The following KDM3B variants were observed in gnomAD, a reference collection of about 807,000 sequenced individuals.
KDM3B encodes the protein lysine-specific demethylase 3B.
Under a neutral mutation model 170.0 loss-of-function variants are expected in KDM3B, and 10 were observed. That is an observed-to-expected ratio of 0.06 (90% CI 0.04 to 0.10). The LOEUF (loss-of-function observed/expected upper bound fraction) is 0.10, where lower values mean the gene tolerates loss of function less well. Ranked by LOEUF, KDM3B falls within the 10% of genes least tolerant of loss-of-function variation. KDM3B has a pLI of 1.00. For synonymous variants in KDM3B, 831 were observed against 834.8 expected, an observed-to-expected ratio of 1.00 and a Z score of 0.08; for missense variants, 1,394 against 2,195.2, an observed-to-expected ratio of 0.64 and a Z score of 7.29.
chr5:138,361,003 GTTTA>G (rs1359614588), intron 1 of KDM3B, among the ~76,000 whole-genome samples: 1 of 152,046 alleles, frequency 6.6e-6, no homozygotes, highest in Non-Finnish European at 1.5e-5. Context: ...CCAACTTGTA[GTTTA>G]TTTATTTAGT....
At chr5:138,404,445 T>C (rs1375782616) in intron 11 of KDM3B, among the ~76,000 whole-genome samples, 1 of 152,110 alleles carries the variant, frequency 6.6e-6, no homozygotes, top group East Asian at 1.9e-4. Context: ...CTGGCCAACA[T>C]GGTGAAATCC....
At chr5:138,355,018 A>G (rs1028161632) in intron 1 of KDM3B, among the ~76,000 whole-genome samples, 1 of 152,088 alleles carries the variant, frequency 6.6e-6, no homozygotes, top group African/African-American at 2.4e-5. Flanking sequence ...TTTTTTTCTC[A>G]TTAAGAGAGA....
chr5:138,370,040 A>C (rs1447316372), intron 1 of KDM3B, among the ~76,000 whole-genome samples: 1 of 152,188 alleles, frequency 6.6e-6, no homozygotes, highest in African/African-American at 2.4e-5. Context: ...TCTGCACTTA[A>C]ATGTAAGTTT....
intron 23 of KDM3B, among the ~76,000 whole-genome samples, chr5:138,432,664 G>A (rs764344738): frequency 2.6e-4 from 39 of 152,124 alleles, no homozygotes; most frequent in South Asian, 2.1e-3. Context: ...GCGAGACACC[G>A]TCTCAAAGAA....
Position 138,427,260 on chromosome 5 carries a change from C to G in KDM3B, c.4574C>G (p.Ser1525Cys). ...TKRDGRLNLA[S>C]RLPSYFVRPD... ...CGAGATGGCAGGCTCAATCTGGCCTCTAGGCTACCTAGCTACTTTGTAAGG... is the reference window on the plus strand; with the variant it reads ...CGAGATGGCAGGCTCAATCTGGCCTGTAGGCTACCTAGCTACTTTGTAAGG... Residue 1525 changes from serine (S) to cysteine (C), a missense_variant, in exon 19 of 24, where the codon TCT becomes TGT. Ser to Cys is a moderately radical substitution (Grantham distance 112, BLOSUM62 -1). This residue lies in a region of KDM3B where 66 missense variants were observed against 178.8 expected (regional missense o/e 0.37). Coordinates refer to ENST00000314358, the MANE Select transcript of KDM3B (RefSeq NM_016604.4). 1 of 1,614,118 alleles carries G rather than the reference C, an allele frequency of 6.2e-7. No individual in the cohort carries two copies. The highest frequency in any genetic ancestry group is 8.5e-7 in the Non-Finnish European group (1 of 1,179,960).
rs1211444657 is a variant in KDM3B, at chr5:138,386,540, A to G, written c.1299A>G (p.Thr433=). Residue 433 remains threonine (T), a synonymous_variant, in exon 7 of 24, where the codon ACA becomes ACG. Transcript: ENST00000314358. ...VVTTASSTPN[T]VRISDTGLAA... is the part of the protein sequence containing the mutation. Reference sequence around the variant, plus strand: ...CTACCGCCAGCTCCACCCCAAACACAGTGAGGATCTCAGACACTGGCCTTG... The same window carrying G: ...CTACCGCCAGCTCCACCCCAAACACGGTGAGGATCTCAGACACTGGCCTTG... 1.2e-6 allele frequency: 2 copies of G among 1,614,196 alleles called. No individual in the cohort carries two copies. The highest frequency in any genetic ancestry group is 1.6e-4 in the Middle Eastern group (1 of 6,062).
intron 7 of KDM3B, 90 bp from the exon 8 acceptor site, chr5:138,390,923 T>C (rs1163432355): frequency 7.3e-6 from 9 of 1,235,650 alleles, no homozygotes; most frequent in Non-Finnish European, 1.0e-5. Flanking sequence ...CCCCAAGAAA[T>C]GTTGATCTGG....
chr5:138,378,444 G>GA (rs1285250780), intron 4 of KDM3B, among the ~76,000 whole-genome samples: 1 of 151,962 alleles, frequency 6.6e-6, no homozygotes, highest in Non-Finnish European at 1.5e-5. Flanking sequence ...TTTTAATAAT[G>GA]AAAAAAATTA....
chr5:138,386,362 T>C lies in KDM3B; in HGVS notation c.1121T>C (p.Val374Ala), dbSNP rs751059844. The change falls in exon 7 of 24, where the codon GTA becomes GCA. Residue 374 changes from valine (V) to alanine (A), a missense_variant. Physicochemically the swap from Val to Ala is moderately conservative, Grantham distance 64. This residue lies in a region of KDM3B where 205 missense variants were observed against 227.6 expected (regional missense o/e 0.90). Transcript: ENST00000314358. Reference sequence around the variant, plus strand: ...ACTCTGGTGGTGCAGGATGAGCCTGTAGGTGGGGACACACCTGCATCTTTC... The same window carrying C: ...ACTCTGGTGGTGCAGGATGAGCCTGCAGGTGGGGACACACCTGCATCTTTC... The part of the protein sequence containing the change: ...GRTLVVQDEP[V>A]GGDTPASFTP... The C allele has an allele frequency of 1.9e-6, 3 of 1,614,196 alleles. No homozygotes were observed. The highest frequency in any genetic ancestry group is 3.3e-5 in the Admixed American group (2 of 60,028).
At position 138,424,067 on chromosome 5, in the gene KDM3B, T is replaced by C; in HGVS notation, c.3973-8T>C. The C allele has an allele frequency of 2.0e-6, 3 of 1,531,510 alleles. No individual in the cohort carries two copies. The highest frequency in any genetic ancestry group is 1.8e-6 in the Non-Finnish European group (2 of 1,138,006). 94.9% of individuals were successfully genotyped at this position (1,531,510 alleles called of 1,614,324 possible). On this transcript the variant is annotated splice_polypyrimidine_tract_variant and splice_region_variant and intron_variant, in intron 15 of 23. Transcript: ENST00000314358. ...GTCAAGCTTACCTGGTGGATTTGTG[T>C]CTGGCAGGGAGTGAAGAGCAAGGCC...
chr5:138,433,014 G>T (rs1763575271), intron 23 of KDM3B, among the ~76,000 whole-genome samples: 1 of 152,098 alleles, frequency 6.6e-6, no homozygotes, highest in Admixed American at 6.5e-5. Flanking sequence ...AAAGTGCTGG[G>T]ATTACAGGCG....
intron 12 of KDM3B, among the ~76,000 whole-genome samples, chr5:138,415,787 G>C (rs1763088077): frequency 6.6e-6 from 1 of 152,012 alleles, no homozygotes; most frequent in Non-Finnish European, 1.5e-5. Flanking sequence ...TGTGCACGTG[G>C]CCACTGCACA....
intron 1 of KDM3B, among the ~76,000 whole-genome samples, chr5:138,371,571 CAAG>C (rs1761876582): frequency 6.6e-6 from 1 of 151,858 alleles, no homozygotes; most frequent in South Asian, 2.1e-4. Context: ...AAGTATATTT[CAAG>C]AAGTGGAGTA....
intron 11 of KDM3B, among the ~76,000 whole-genome samples, chr5:138,414,205 G>A (rs1329150900): frequency 6.6e-6 from 1 of 151,876 alleles, no homozygotes; most frequent in African/African-American, 2.4e-5. Flanking sequence ...TCGCTCTGTC[G>A]CCCAGGCTGG....
Position 138,424,281 on chromosome 5 carries a change from C to A in KDM3B, c.4179C>A (p.Leu1393=). 1 of 1,614,176 alleles carries A rather than the reference C, an allele frequency of 6.2e-7. No individual in the cohort carries two copies. The highest frequency in any genetic ancestry group is 1.1e-5 in the South Asian group (1 of 91,082). Residue 1393 remains leucine, a synonymous_variant, in exon 16 of 24, where the codon CTC becomes CTA. Transcript: ENST00000314358. ...SWLCDGRLLC[L]HDPSNKNNWK... ...TTTGTGATGGGAGGCTTCTGTGTCT[C>A]CATGACCCCAGCAACAAAAACAATT... is the stretch of plus-strand genomic sequence containing the variant.
At chr5:138,428,287 C>T (rs1330688485) in intron 20 of KDM3B, among the ~76,000 whole-genome samples, 1 of 151,944 alleles carries the variant, frequency 6.6e-6, no homozygotes, top group Non-Finnish European at 1.5e-5. Context: ...TGGCTCACCG[C>T]AACCTCCGCT....
At chr5:138,413,201 T>C (rs960933594) in intron 11 of KDM3B, among the ~76,000 whole-genome samples, 1 of 151,906 alleles carries the variant, frequency 6.6e-6, no homozygotes, top group Non-Finnish European at 1.5e-5. Flanking sequence ...CTAGCTAACA[T>C]TGAACCCCTG....
intron 1 of KDM3B, among the ~76,000 whole-genome samples, chr5:138,365,328 A>C (rs1313483920): frequency 6.6e-6 from 1 of 151,938 alleles, no homozygotes; most frequent in Non-Finnish European, 1.5e-5. Context: ...TGGGGTGATC[A>C]CTCACTGCAA....
chr5:138,405,386 G>A (rs750563341), intron 11 of KDM3B, among the ~76,000 whole-genome samples: 1 of 152,140 alleles, frequency 6.6e-6, no homozygotes, highest in African/African-American at 2.4e-5. Context: ...ACATGCCTGT[G>A]GTCGCAGCTA....
Sources: gnomAD v4.1 joint callset for allele counts (sites outside exome capture counted in the v4.1 genomes callset) on GRCh38, gnomAD v4.1.1 for gene constraint, gnomAD v4.1.1 regional missense constraint, MANE v1.5 for transcripts, NCBI Gene and HGNC (gene_info 2026-07-23, HGNC 2026-07-21) for gene names.